The following LRP1B variants were observed in gnomAD, a reference collection of about 807,000 sequenced individuals.
The protein encoded by LRP1B is LDL receptor related protein 1B.
Under a neutral mutation model 556.6 loss-of-function variants are expected in LRP1B, and 217 were observed. The ratio of observed to expected loss-of-function variants is 0.39; its 90% CI spans 0.35 to 0.44. The LOEUF is 0.44. Among genes scored for constraint, LRP1B ranks in the 20% least tolerant of loss-of-function variants. The probability of loss-of-function intolerance (pLI) is 1.00; values close to 1 mark genes in which losing one functional copy is unlikely to be tolerated. For synonymous variants in LRP1B, 2,047 were observed against 1,865.8 expected, an observed-to-expected ratio of 1.10 and a Z score of -2.50; for missense variants, 5,053 against 5,620.8, an observed-to-expected ratio of 0.90 and a Z score of 3.23.
chr2:141,663,470 G>A (rs1690302261), intron 2 of LRP1B, among the ~76,000 whole-genome samples: 1 of 150,578 alleles, frequency 6.6e-6, no homozygotes, highest in Non-Finnish European at 1.5e-5. Context: ...AAATGGAGAA[G>A]AATCCGATAG....
At chr2:141,241,461 T>TA (rs1178874076) in intron 5 of LRP1B, among the ~76,000 whole-genome samples, 1 of 151,994 alleles carries the variant, frequency 6.6e-6, no homozygotes, top group Non-Finnish European at 1.5e-5. Context: ...AGGACACACT[T>TA]ATGTAGATCA....
chr2:141,229,370 T>A lies in LRP1B; in HGVS notation c.663A>T (p.Gly221=). Residue 221 remains glycine (G), a synonymous_variant, in exon 6 of 91, where the codon GGA becomes GGT. Coordinates refer to ENST00000389484, the MANE Select transcript of LRP1B (RefSeq NM_018557.3). ...FETIEVFYLN[G]SKMATLSSVN... is the part of the protein sequence containing the mutation. ...CTGAGCTTAGAGTTGCCATTTTACTTCCATTAAGATAGAAAACCTCAATTG... is the reference window on the plus strand; with the variant it reads ...CTGAGCTTAGAGTTGCCATTTTACTACCATTAAGATAGAAAACCTCAATTG... The A allele has an allele frequency of 6.2e-7, 1 of 1,610,384 alleles. No homozygotes were observed. Among genetic ancestry groups the A allele is most frequent in the Non-Finnish European group, 8.5e-7 (1 of 1,177,028 alleles).
chr2:140,575,935 C>CA (rs1417793537), intron 43 of LRP1B, among the ~76,000 whole-genome samples: 5 of 147,052 alleles, frequency 3.4e-5, no homozygotes, highest in East Asian at 2.1e-4. Flanking sequence ...AAACAAAAAA[C>CA]AAAAAACAAA....
At chr2:140,895,297 T>C (rs1693918150) in intron 23 of LRP1B, among the ~76,000 whole-genome samples, 1 of 152,218 alleles carries the variant, frequency 6.6e-6, no homozygotes, top group South Asian at 2.1e-4. Flanking sequence ...TTACTATAAA[T>C]ATGCTGCAAA....
chr2:141,511,412 G>A (rs779742482), intron 2 of LRP1B, among the ~76,000 whole-genome samples: 24 of 152,156 alleles, frequency 1.6e-4, no homozygotes, highest in Admixed American at 4.6e-4. Flanking sequence ...TATTTTTTTA[G>A]ATTCATGTTT....
intron 31 of LRP1B, among the ~76,000 whole-genome samples, chr2:140,838,557 C>A (rs2105091961): frequency 6.6e-6 from 1 of 152,164 alleles, no homozygotes; most frequent in East Asian, 1.9e-4. Context: ...ATTGAATCAT[C>A]ACTATGAAAA....
intron 2 of LRP1B, among the ~76,000 whole-genome samples, chr2:141,652,957 G>C (rs1003067742): frequency 1.3e-5 from 2 of 152,058 alleles, no homozygotes; most frequent in South Asian, 4.2e-4. Flanking sequence ...TTTGTAGGTG[G>C]GATAATAATT....
intron 20 of LRP1B, among the ~76,000 whole-genome samples, chr2:140,941,270 T>C (rs1695393591): frequency 6.6e-6 from 1 of 152,104 alleles, no homozygotes; most frequent in Admixed American, 6.6e-5. Flanking sequence ...GAACAAGACA[T>C]CTGACTAGAC....
At chr2:141,646,997 C>T (rs1262809988) in intron 2 of LRP1B, among the ~76,000 whole-genome samples, 2 of 152,086 alleles carry the variant, frequency 1.3e-5, no homozygotes, top group Admixed American at 6.6e-5. Flanking sequence ...TCCTCTTCTT[C>T]CTCCTTGATT....
chr2:142,105,870 T>C (rs1413804429), intron 1 of LRP1B, among the ~76,000 whole-genome samples: 4 of 152,180 alleles, frequency 2.6e-5, no homozygotes, highest in African/African-American at 7.2e-5. Flanking sequence ...CCTCTGATAA[T>C]GTAAGTCTAA....
rs575678993 is a variant in LRP1B at position 140,349,929 on chromosome 2, T to C, written c.11892+868A>G. On this transcript the variant is annotated intron_variant, in intron 77 of 90. Transcript: ENST00000389484. ...TACTGCTGATAAAGTATATTCCAGA[T>C]TTGCATCAAATGGATTTATGTAGTT... 3.3e-5 allele frequency among the ~76,000 whole-genome samples: 5 copies of C among 152,210 alleles called. No individual in the cohort carries two copies. The South Asian group carries it at 1.0e-3, about 32-fold the overall frequency.
intron 2 of LRP1B, among the ~76,000 whole-genome samples, chr2:141,665,936 G>A (rs1033081582): frequency 6.6e-5 from 10 of 151,966 alleles, no homozygotes; most frequent in Non-Finnish European, 1.3e-4. Flanking sequence ...ATAGGGAGGG[G>A]AACAACACAC....
intron 85 of LRP1B, among the ~76,000 whole-genome samples, chr2:140,271,870 C>A (rs1337434243): frequency 2.0e-5 from 3 of 151,740 alleles, no homozygotes; most frequent in Non-Finnish European, 1.5e-5. Flanking sequence ...GTCCTCCATG[C>A]CCAGCCTCTT....
intron 1 of LRP1B, among the ~76,000 whole-genome samples, chr2:141,861,090 A>G (rs1167918834): frequency 6.6e-6 from 1 of 152,216 alleles, no homozygotes; most frequent in African/African-American, 2.4e-5. Context: ...TTTTACTTTT[A>G]AAGTTCTAGA....
At position 140,670,166 on chromosome 2, in the gene LRP1B, C is replaced by A. The variant is rs1033075712; in HGVS notation, c.6799+30084G>T. ...ATAACATAGAAACAAGAAGACACTA[C>A]GCATCCAATTTATGTTAATGTATCC... is the stretch of plus-strand genomic sequence containing the variant. On this transcript the variant is annotated intron_variant, in intron 41 of 90. Coordinates refer to ENST00000389484, the MANE Select transcript of LRP1B (RefSeq NM_018557.3). Among the ~76,000 whole-genome samples the A allele has an allele frequency of 5.9e-5, 9 of 152,150 alleles. No homozygotes were observed. The East Asian group carries it at 1.4e-3, about 23-fold the overall frequency.
intron 1 of LRP1B, among the ~76,000 whole-genome samples, chr2:141,943,438 G>A (rs1280315333): frequency 9.9e-5 from 15 of 152,062 alleles, no homozygotes; most frequent in Non-Finnish European, 1.6e-4. Flanking sequence ...TCACATTAGG[G>A]TTCTGACCTG....
chr2:140,586,998 T>TA (rs931588924), intron 43 of LRP1B, among the ~76,000 whole-genome samples: 55 of 151,214 alleles, frequency 3.6e-4, no homozygotes, highest in Middle Eastern at 3.4e-3. Context: ...AAAATCTCAG[T>TA]AAAAAAAATA....
chr2:141,706,220 G>A (rs77631354), intron 2 of LRP1B, among the ~76,000 whole-genome samples: 6,183 of 152,042 alleles, frequency 0.041, 168 homozygotes, highest in East Asian at 0.089. Context: ...CCTCAACGCT[G>A]AGGAATAAAT....
chr2:141,075,590 G>GTAA (rs1280637327), intron 7 of LRP1B, among the ~76,000 whole-genome samples: 3 of 152,154 alleles, frequency 2.0e-5, no homozygotes, highest in Non-Finnish European at 2.9e-5. Flanking sequence ...AGTATTTGAT[G>GTAA]TAATATATTA....
Sources: gnomAD v4.1 joint callset for allele counts (sites outside exome capture counted in the v4.1 genomes callset) on GRCh38, gnomAD v4.1.1 for gene constraint, MANE v1.5 for transcripts, NCBI Gene and HGNC (gene_info 2026-07-23, HGNC 2026-07-21) for gene names.